The following SEL1L3 variants were observed in gnomAD, a reference collection of about 807,000 sequenced individuals.
The protein encoded by SEL1L3 is SEL1L family member 3, also known as protein sel-1 homolog 3.
In SEL1L3, 76 loss-of-function variants were observed where a neutral mutation model predicts 142.8. That is an observed-to-expected ratio of 0.53 (90% CI 0.44 to 0.64). The LOEUF (loss-of-function observed/expected upper bound fraction) is 0.64, where lower values mean the gene tolerates loss of function less well. Among genes scored for constraint, SEL1L3 ranks in the 30% least tolerant of loss-of-function variants. The pLI is 0.00. For missense variants in SEL1L3, 1,262 were observed against 1,381.7 expected, an observed-to-expected ratio of 0.91 and a Z score of 1.37; for synonymous variants, 504 against 519.6, an observed-to-expected ratio of 0.97 and a Z score of 0.41.
the SEL1L3 span, among the ~76,000 whole-genome samples, chr4:25,723,264 G>A: frequency 6.6e-6 from 1 of 152,178 alleles, no homozygotes; most frequent in Non-Finnish European, 1.5e-5. Flanking sequence ...CTGGCTTGAT[G>A]CCTTTTGAAA....
intron 2 of SEL1L3, 121 bp from the exon 3 acceptor site, chr4:25,835,444 A>G (rs1715757785): frequency 2.9e-6 from 3 of 1,029,132 alleles, no homozygotes; most frequent in Non-Finnish European, 4.3e-6. Flanking sequence ...ATACCCTAAA[A>G]ATATTAGCAA....
intron 9 of SEL1L3, among the ~76,000 whole-genome samples, chr4:25,806,041 GTT>G (rs33956733): frequency 8.2e-5 from 11 of 134,806 alleles, no homozygotes; most frequent in East Asian, 4.3e-4. Context: ...TGTTTTGTTT[GTT>G]TTTTTTTTTT....
Position 25,849,294 on chromosome 4 carries a change from A to T in SEL1L3, c.163-1430T>A, listed in dbSNP as rs79475072. On this transcript the variant is annotated intron_variant, in intron 1 of 23. Transcript: ENST00000399878. ...AGCAACCCCAAGGGTCCATCCATGG[A>T]TGAATGGGTAGAAAAAATGTGGTAT... is the stretch of plus-strand genomic sequence containing the variant. Among the ~76,000 whole-genome samples the T allele has an allele frequency of 2.8e-4, 43 of 152,344 alleles. No homozygotes were observed. The East Asian group carries it at 7.7e-3, about 27-fold the overall frequency.
At chr4:25,768,966 T>A (rs551647913) in intron 17 of SEL1L3, among the ~76,000 whole-genome samples, 3 of 152,234 alleles carry the variant, frequency 2.0e-5, no homozygotes, top group Admixed American at 1.3e-4. Flanking sequence ...CAATACTTAT[T>A]TCTGGGTGGT....
intron 17 of SEL1L3, among the ~76,000 whole-genome samples, chr4:25,771,650 T>C (rs1719212995): frequency 6.6e-6 from 1 of 152,214 alleles, no homozygotes; most frequent in South Asian, 2.1e-4. Context: ...CCTGGAGCTA[T>C]GTATGCTTAC....
chr4:25,750,262 A>G (rs1577548031), intron 23 of SEL1L3, among the ~76,000 whole-genome samples: 1 of 151,246 alleles, frequency 6.6e-6, no homozygotes, highest in South Asian at 2.1e-4. Context: ...AAAAGAAAGA[A>G]AAAAGAAACC....
chr4:25,744,262 G>T (rs752094431), downstream of SEL1L3, among the ~76,000 whole-genome samples: 5 of 151,480 alleles, frequency 3.3e-5, no homozygotes, highest in Non-Finnish European at 7.4e-5. Flanking sequence ...CTAACACCGA[G>T]TACCTCAGAA....
chr4:25,829,442 A>G (rs1019700840), intron 6 of SEL1L3, among the ~76,000 whole-genome samples: 1 of 152,244 alleles, frequency 6.6e-6, no homozygotes, highest in Non-Finnish European at 1.5e-5. Flanking sequence ...ATTGGGTCAG[A>G]GACCACCTAT....
At position 25,808,739 on chromosome 4, in the gene SEL1L3, T is replaced by C. The variant is rs144376819; in HGVS notation, c.1565-3987A>G. Among the ~76,000 whole-genome samples the C allele has an allele frequency of 2.5e-3, 383 of 150,540 alleles. 1 individual carries two copies. Among genetic ancestry groups the C allele is most frequent in the African/African-American group, 7.1e-3 (289 of 40,990 alleles). The stretch of plus-strand genomic sequence containing the variant: ...TTGCACTCTGACCTGGAGATCCTCA[T>C]TGGGCTCACAGCCTGCTTTCTTTTT... On this transcript the variant is annotated intron_variant, in intron 9 of 23. Coordinates refer to ENST00000399878, the MANE Select transcript of SEL1L3 (RefSeq NM_015187.5).
chr4:25,722,275 T>C, the SEL1L3 span, among the ~76,000 whole-genome samples: 2 of 152,192 alleles, frequency 1.3e-5, no homozygotes, highest in African/African-American at 2.4e-5. Flanking sequence ...GAGTCTCTCT[T>C]CTCTTGGTAC....
At chr4:25,778,594 T>C (rs887748144) in intron 16 of SEL1L3, among the ~76,000 whole-genome samples, 5 of 152,104 alleles carry the variant, frequency 3.3e-5, no homozygotes, top group African/African-American at 9.7e-5. Flanking sequence ...CAAAATGATA[T>C]ACTTATTGGG....
intron 2 of SEL1L3, among the ~76,000 whole-genome samples, chr4:25,835,776 G>C (rs1043991780): frequency 4.6e-5 from 7 of 152,160 alleles, no homozygotes; most frequent in Non-Finnish European, 8.8e-5. Context: ...ACATAAATTT[G>C]TTCATTTCAT....
chr4:25,733,491 T>TTGTTATA, the SEL1L3 span, among the ~76,000 whole-genome samples: 4 of 151,628 alleles, frequency 2.6e-5, no homozygotes, highest in African/African-American at 9.7e-5. Context: ...GATCATGTAG[T>TTGTTATA]TGTTATAGTA....
intron 1 of SEL1L3, among the ~76,000 whole-genome samples, chr4:25,856,591 AT>A (rs1413971311): frequency 5.9e-5 from 8 of 136,658 alleles, no homozygotes; most frequent in Non-Finnish European, 1.5e-5. Flanking sequence ...ATGTATTGTA[AT>A]TAAAAAAAAA....
chr4:25,845,761 C>T (rs1716464492), intron 2 of SEL1L3, among the ~76,000 whole-genome samples: 1 of 152,050 alleles, frequency 6.6e-6, no homozygotes, highest in Non-Finnish European at 1.5e-5. Context: ...CAAACCCATC[C>T]TGTTGATGAA....
chr4:25,761,586 T>A (rs1242505094), intron 20 of SEL1L3, among the ~76,000 whole-genome samples: 1 of 152,198 alleles, frequency 6.6e-6, no homozygotes, highest in Non-Finnish European at 1.5e-5. Flanking sequence ...GATAAATATA[T>A]AAAGAACTAA....
At chr4:25,727,711 A>G in the SEL1L3 span, among the ~76,000 whole-genome samples, 2 of 152,156 alleles carry the variant, frequency 1.3e-5, no homozygotes, top group Non-Finnish European at 2.9e-5. Flanking sequence ...GGGGAAGAAT[A>G]GGACAGGGGC....
At chr4:25,760,007 T>C (rs1195667821) in intron 20 of SEL1L3, 1 of 152,204 alleles carries the variant, frequency 6.6e-6, no homozygotes, top group Non-Finnish European at 1.5e-5. Flanking sequence ...GGGTTTGTTG[T>C]ACATATTATT....
the SEL1L3 span, among the ~76,000 whole-genome samples, chr4:25,740,847 C>T: frequency 1.3e-5 from 2 of 151,940 alleles, no homozygotes; most frequent in East Asian, 1.9e-4. Flanking sequence ...TGCAATGGTG[C>T]GATCTCGGCT....
Sources: allele counts gnomAD v4.1 joint callset (sites outside exome capture counted in the v4.1 genomes callset), GRCh38; gene constraint gnomAD v4.1.1; transcripts MANE v1.5; gene names NCBI Gene and HGNC (gene_info 2026-07-23, HGNC 2026-07-21).